Variants in CAMK2B observed in about 807,000 individuals in gnomAD.
CAMK2B encodes calcium/calmodulin dependent protein kinase II beta, also known as calcium/calmodulin-dependent protein kinase type II subunit beta.
Under a neutral mutation model 93.7 loss-of-function variants are expected in CAMK2B, and 27 were observed. The ratio of observed to expected loss-of-function variants is 0.29; its 90% CI spans 0.21 to 0.40. The LOEUF is 0.40. Ranked by LOEUF, CAMK2B falls within the 10% of genes least tolerant of loss-of-function variation. The pLI, the probability that CAMK2B is intolerant of heterozygous loss-of-function variation, is 1.00. For missense variants in CAMK2B, 568 were observed against 895.8 expected (o/e 0.63, Z 4.67); for synonymous variants, 374 against 358.8 (o/e 1.04, Z -0.48).
rs975286992 is a variant in CAMK2B at position 44,320,400 on chromosome 7, C to T, written c.65+4957G>A. On this transcript the variant is annotated intron_variant, in intron 1 of 23. Coordinates refer to ENST00000395749, the MANE Select transcript of CAMK2B (RefSeq NM_001220.5). ...GCACAGAATAGAGTAGGGTAATGAG[C>T]TTCTGAGAGGAGCAGAATGTGGATT... 3.3e-5 allele frequency among the ~76,000 whole-genome samples: 5 copies of T among 152,268 alleles called. No homozygotes were observed. In the South Asian group the frequency reaches 1.0e-3, roughly 32 times the overall value.
At chr7:44,325,199 G>A (rs1797204471) in intron 1 of CAMK2B, 158 bp downstream of exon 1, 1 of 221,228 alleles carries the variant, frequency 4.5e-6, no homozygotes, top group Admixed American at 6.7e-5. Context: ...GGGGGCTCGC[G>A]GGTCGGGGCC....
At chr7:44,324,486 G>A (rs779505755) in intron 1 of CAMK2B, among the ~76,000 whole-genome samples, 4 of 151,968 alleles carry the variant, frequency 2.6e-5, no homozygotes, top group South Asian at 2.1e-4. Context: ...AGCCGGGTCC[G>A]GGGACCACGA....
intron 13 of CAMK2B, among the ~76,000 whole-genome samples, chr7:44,239,351 GCCCAGGGGCCA>G (rs1237197223): frequency 2.0e-5 from 3 of 152,222 alleles, no homozygotes; most frequent in Admixed American, 6.5e-5. Flanking sequence ...GCTTGGTGTA[GCCCAGGGGCCA>G]CCTAGCCCAG....
intron 5 of CAMK2B, among the ~76,000 whole-genome samples, chr7:44,249,998 GGGACTT>G (rs1378621880): frequency 6.6e-6 from 1 of 152,172 alleles, no homozygotes; most frequent in Non-Finnish European, 1.5e-5. Flanking sequence ...GGGTATGACG[GGGACTT>G]GGCACGTGTT....
chr7:44,270,754 C>T (rs959838444), intron 2 of CAMK2B, among the ~76,000 whole-genome samples: 5 of 152,234 alleles, frequency 3.3e-5, no homozygotes, highest in Non-Finnish European at 7.3e-5. Context: ...CCCCCATCCC[C>T]ACAGAGCTGG....
chr7:44,240,040 C>A (rs1227503374), intron 12 of CAMK2B, among the ~76,000 whole-genome samples: 1 of 152,140 alleles, frequency 6.6e-6, no homozygotes, highest in East Asian at 1.9e-4. Context: ...TGCAAACGGA[C>A]AACGAGAGAG....
chr7:44,246,318 G>A (rs2096729146), intron 6 of CAMK2B, among the ~76,000 whole-genome samples: 1 of 152,110 alleles, frequency 6.6e-6, no homozygotes, highest in Non-Finnish European at 1.5e-5. Context: ...CGGTGTAATA[G>A]GCTGATTTCT....
intron 6 of CAMK2B, among the ~76,000 whole-genome samples, chr7:44,246,450 C>T (rs909028303): frequency 6.6e-6 from 1 of 152,072 alleles, no homozygotes; most frequent in African/African-American, 2.4e-5. Flanking sequence ...CAGACACACA[C>T]ACACATGCAT....
chr7:44,228,976 G>A (rs532292183), intron 18 of CAMK2B, 52 bp from the exon 19 acceptor site: 54 of 1,589,286 alleles, frequency 3.4e-5, no homozygotes, highest in Middle Eastern at 3.3e-4. Flanking sequence ...CACACGAGGC[G>A]GCGGCAAGGC....
rs796736798 is a variant in CAMK2B at position 44,271,886 on chromosome 7, C to G, written c.161-8822G>C. 2.2e-4 allele frequency among the ~76,000 whole-genome samples: 33 copies of G among 152,332 alleles called. No homozygotes were observed. Among genetic ancestry groups the G allele is most frequent in the African/African-American group, 7.9e-4 (33 of 41,572 alleles). On this transcript the variant is annotated intron_variant, in intron 2 of 23. Coordinates refer to ENST00000395749, the MANE Select transcript of CAMK2B (RefSeq NM_001220.5). The surrounding 1 kb of genome is among the most constrained non-coding windows in gnomAD (Gnocchi z 4.2). ...CTCCTTGAGAATGACCCTATGAGTC[C>G]CTTCAGGGTAGTGACTTCTGTGTGC...
At chr7:44,228,312 C>T (rs540647313) in intron 19 of CAMK2B, among the ~76,000 whole-genome samples, 1 of 152,172 alleles carries the variant, frequency 6.6e-6, no homozygotes, top group Admixed American at 6.5e-5. Flanking sequence ...CCAGTTTTGG[C>T]ACCTTCCTCA....
At chr7:44,282,944 G>C (rs1396546366) in intron 2 of CAMK2B, among the ~76,000 whole-genome samples, 4 of 152,214 alleles carry the variant, frequency 2.6e-5, no homozygotes, top group African/African-American at 9.6e-5. Flanking sequence ...TGCCCTGGGA[G>C]GGGAGGGGCT....
chr7:44,228,872 T>C lies in CAMK2B; in HGVS notation c.1392A>G (p.Pro464=), dbSNP rs763809488. Residue 464 remains proline, a synonymous_variant, in exon 19 of 24, where the codon CCA becomes CCG. Transcript: ENST00000395749. ...LNSVRRGSGT[P]EAEGPLSAGP... is the part of the protein sequence containing the mutation. ...CCGCTGAGAGGGGGCCCTCGGCTTC[T>C]GGGGTTCCTGAACCCCTTCTCACAG... 3 of 1,570,342 alleles carry C rather than the reference T, an allele frequency of 1.9e-6. No individual in the cohort carries two copies. The highest frequency in any genetic ancestry group is 2.6e-6 in the Non-Finnish European group (3 of 1,152,252).
chr7:44,225,524 C>T lies in CAMK2B; in HGVS notation c.1597+992G>A, dbSNP rs369459222. Among the ~76,000 whole-genome samples the T allele has an allele frequency of 3.9e-5, 6 of 152,288 alleles. No homozygotes were observed. Among genetic ancestry groups the T allele is most frequent in the Admixed American group, 3.3e-4 (5 of 15,308 alleles). On this transcript the variant is annotated intron_variant, in intron 20 of 23. Transcript: ENST00000395749. This position sits in a 1 kb window ranked among gnomAD's most constrained non-coding sequence, Gnocchi z 5.0. ...TCAACCCCTGCTGGGGGTCCTCAGC[C>T]GACCACAGAAGCTCTGGGGGTGAGT...
intron 23 of CAMK2B, 51 bp downstream of exon 23, chr7:44,220,007 TCA>T: frequency 7.0e-7 from 1 of 1,437,542 alleles, no homozygotes; most frequent in Non-Finnish European, 9.3e-7. Flanking sequence ...CTGCAGCCAC[TCA>T]CACCACCGCC....
intron 1 of CAMK2B, among the ~76,000 whole-genome samples, chr7:44,285,438 C>T (rs1307926141): frequency 6.6e-6 from 1 of 152,164 alleles, no homozygotes; most frequent in African/African-American, 2.4e-5. Flanking sequence ...GCAAAGTGCC[C>T]AGCCTCCCCC....
intron 1 of CAMK2B, among the ~76,000 whole-genome samples, chr7:44,304,843 G>A (rs1791027424): frequency 6.6e-6 from 1 of 152,112 alleles, no homozygotes; most frequent in African/African-American, 2.4e-5. Context: ...AATGGTGAAG[G>A]GGAATATGGG....
At chr7:44,289,136 C>T (rs1211592459) in intron 1 of CAMK2B, among the ~76,000 whole-genome samples, 1 of 152,208 alleles carries the variant, frequency 6.6e-6, no homozygotes, top group Non-Finnish European at 1.5e-5. Flanking sequence ...CTGCCTCTTC[C>T]CTCCAGTCCC....
At position 44,240,809 on chromosome 7, in the gene CAMK2B, G is replaced by A. The variant is rs1353522619; in HGVS notation, c.904-60C>T. The A allele has an allele frequency of 9.0e-6, 14 of 1,559,834 alleles. No homozygotes were observed. In the South Asian group the frequency reaches 1.3e-4, roughly 14 times the overall value. On this transcript the variant is annotated intron_variant, in intron 11 of 23. Transcript: ENST00000395749. Reference sequence around the variant, plus strand: ...CATCAGTGTTCCCTGCTGGCTTCTGGCCAGGATAAGACCCCTGTCCTCCTG... The same window carrying A: ...CATCAGTGTTCCCTGCTGGCTTCTGACCAGGATAAGACCCCTGTCCTCCTG...
Sources: gnomAD v4.1 joint callset for allele counts (sites outside exome capture counted in the v4.1 genomes callset) on GRCh38, gnomAD v4.1.1 for gene constraint, Gnocchi (gnomAD v3.1) non-coding constraint, MANE v1.5 for transcripts, NCBI Gene and HGNC (gene_info 2026-07-23, HGNC 2026-07-21) for gene names.